Variants in LHFPL6 observed in about 807,000 individuals in gnomAD.
LHFPL6 encodes the protein LHFPL tetraspan subfamily member 6.
Under a neutral mutation model 20.6 loss-of-function variants are expected in LHFPL6, and 9 were observed. The observed-to-expected ratio is 0.44, with a 90% CI of 0.26 to 0.76. The LOEUF (loss-of-function observed/expected upper bound fraction) is 0.76. Among genes scored for constraint, LHFPL6 ranks in the 30% least tolerant of loss-of-function variants. LHFPL6 has a pLI of 0.20. For missense variants in LHFPL6, 218 were observed against 253.5 expected (o/e 0.86, Z 0.95); for synonymous variants, 105 against 98.7 (o/e 1.06, Z -0.38).
At chr13:39,518,158 AAGACCTCAG>A (rs149978455) in intron 2 of LHFPL6, among the ~76,000 whole-genome samples, 12,958 of 152,180 alleles carry the variant, frequency 0.085, 626 homozygotes, top group East Asian at 0.25. Context: ...GCGACGCTCA[AAGACCTCAG>A]AGACCTCCAT....
intron 2 of LHFPL6, among the ~76,000 whole-genome samples, chr13:39,512,458 C>T (rs1412072243): frequency 2.0e-5 from 3 of 151,886 alleles, no homozygotes; most frequent in African/African-American, 4.8e-5. Flanking sequence ...AAAAATTAGC[C>T]GGGCATGGTG....
chr13:39,488,106 C>T (rs920313927), intron 2 of LHFPL6, among the ~76,000 whole-genome samples: 1 of 152,160 alleles, frequency 6.6e-6, no homozygotes, highest in African/African-American at 2.4e-5. Flanking sequence ...CCTTCATGAA[C>T]GGGATTAATG....
intron 2 of LHFPL6, among the ~76,000 whole-genome samples, chr13:39,467,519 G>A (rs549153322): frequency 3.3e-5 from 5 of 152,132 alleles, no homozygotes; most frequent in South Asian, 2.1e-4. Flanking sequence ...TGCTCCTGTC[G>A]CTGACTCTTT....
At chr13:39,384,284 A>ATG (rs1264791518) in intron 2 of LHFPL6, among the ~76,000 whole-genome samples, 1 of 152,196 alleles carries the variant, frequency 6.6e-6, no homozygotes, top group African/African-American at 2.4e-5. Flanking sequence ...TGCCTGTGGT[A>ATG]TGGTCTCTCG....
chr13:39,402,031 C>A, intron 2 of LHFPL6, among the ~76,000 whole-genome samples: 1 of 152,050 alleles, frequency 6.6e-6, no homozygotes, highest in Non-Finnish European at 1.5e-5. Flanking sequence ...TGTGGCTAGT[C>A]CAACTTGAAA....
intron 2 of LHFPL6, among the ~76,000 whole-genome samples, chr13:39,559,618 G>C (rs1343994918): frequency 3.3e-5 from 5 of 152,132 alleles, no homozygotes; most frequent in Admixed American, 3.3e-4. Flanking sequence ...CTCTGCTCCA[G>C]GCAGTGGGAA....
Position 39,415,416 on chromosome 13 carries a change from C to T in LHFPL6, c.386-36890G>A, listed in dbSNP as rs749196907. Reference sequence around the variant, plus strand: ...ATGCACATGCATGTGTATGCATACGCACATGTGGAAGAACTCAGGTCTGTG... The same window carrying T: ...ATGCACATGCATGTGTATGCATACGTACATGTGGAAGAACTCAGGTCTGTG... On this transcript the variant is annotated intron_variant, in intron 2 of 3. Transcript: ENST00000379589. Among the ~76,000 whole-genome samples the T allele has an allele frequency of 4.6e-5, 7 of 151,336 alleles. No individual in the cohort carries two copies. In the East Asian group the frequency reaches 1.4e-3, roughly 29 times the overall value.
At chr13:39,513,416 A>G (rs1333627161) in intron 2 of LHFPL6, among the ~76,000 whole-genome samples, 1 of 152,146 alleles carries the variant, frequency 6.6e-6, no homozygotes, top group Non-Finnish European at 1.5e-5. Context: ...TTCTTTTCCT[A>G]TCCTATGCCT....
At chr13:39,580,008 T>C (rs750899) in intron 2 of LHFPL6, among the ~76,000 whole-genome samples, 130,804 of 152,232 alleles carry the variant, frequency 0.86, 56,352 homozygotes, top group East Asian at 0.93. Flanking sequence ...AAAATGTATA[T>C]AAACATTTAT....
At chr13:39,510,350 C>A (rs990016711) in intron 2 of LHFPL6, among the ~76,000 whole-genome samples, 1 of 152,206 alleles carries the variant, frequency 6.6e-6, no homozygotes, top group Non-Finnish European at 1.5e-5. Flanking sequence ...TCACCTGACA[C>A]TTTTCCAGCA....
chr13:39,535,557 T>C (rs957643572), intron 2 of LHFPL6, among the ~76,000 whole-genome samples: 1 of 152,218 alleles, frequency 6.6e-6, no homozygotes, highest in African/African-American at 2.4e-5. Flanking sequence ...GCTATTTTTG[T>C]AGGAAATCAA....
intron 2 of LHFPL6, among the ~76,000 whole-genome samples, chr13:39,454,395 C>T (rs1206645025): frequency 6.1e-5 from 2 of 32,886 alleles, no homozygotes; most frequent in Non-Finnish European, 5.0e-5. Context: ...TTTGGGAGGC[C>T]GAGGCGGGCG....
chr13:39,573,626 C>T (rs1022095133), intron 2 of LHFPL6, among the ~76,000 whole-genome samples: 2 of 151,970 alleles, frequency 1.3e-5, no homozygotes, highest in Non-Finnish European at 2.9e-5. Context: ...TTCGGTTTAA[C>T]ATCACAAGTT....
intron 3 of LHFPL6, among the ~76,000 whole-genome samples, chr13:39,352,892 TGTGTATATATATATAA>T (rs1869613340): frequency 1.9e-5 from 1 of 53,816 alleles, no homozygotes; most frequent in Non-Finnish European, 3.7e-5. Context: ...TGTATATATA[TGTGTATATATATATAA>T]ATGTATATAT....
intron 2 of LHFPL6, among the ~76,000 whole-genome samples, chr13:39,571,552 A>G (rs1871915139): frequency 6.6e-6 from 1 of 152,010 alleles, no homozygotes; most frequent in South Asian, 2.1e-4. Context: ...AAAACTACCC[A>G]CCTTCACCAT....
At position 39,539,314 on chromosome 13, in the gene LHFPL6, T is replaced by TA. The variant is rs201493957; in HGVS notation, c.385+61517dup. On this transcript the variant is annotated intron_variant, in intron 2 of 3. Transcript: ENST00000379589. ...ATCATGTGACTTGCAGATTTTATTT[T>TA]AAAAAAAAAAAGCAACATGCTTATA... Among the ~76,000 whole-genome samples, 797 of 146,288 alleles carry TA rather than the reference T, an allele frequency of 5.4e-3. 9 individuals are homozygous for TA. The highest frequency in any genetic ancestry group is 0.018 in the African/African-American group (726 of 40,130).
chr13:39,436,447 T>G (rs1593312375), intron 2 of LHFPL6, among the ~76,000 whole-genome samples: 1 of 152,352 alleles, frequency 6.6e-6, no homozygotes, highest in African/African-American at 2.4e-5. Context: ...TGACAGCAGC[T>G]TTAGTCTAGA....
intron 2 of LHFPL6, among the ~76,000 whole-genome samples, chr13:39,418,577 C>T (rs1393559554): frequency 1.3e-5 from 2 of 152,030 alleles, no homozygotes; most frequent in African/African-American, 4.8e-5. Flanking sequence ...AAGAGAATGT[C>T]AGCTTGAATG....
chr13:39,418,809 T>G (rs919524858), intron 2 of LHFPL6, among the ~76,000 whole-genome samples: 2 of 152,184 alleles, frequency 1.3e-5, no homozygotes, highest in Admixed American at 6.5e-5. Flanking sequence ...ATCTTTGGCA[T>G]TAACATGAAA....
Sources: allele counts gnomAD v4.1 joint callset (sites outside exome capture counted in the v4.1 genomes callset), GRCh38; gene constraint gnomAD v4.1.1; transcripts MANE v1.5; gene names NCBI Gene and HGNC (gene_info 2026-07-23, HGNC 2026-07-21).